HHIP: variants seen among roughly 807,000 people sequenced by gnomAD.
The protein encoded by HHIP is hedgehog interacting protein, also known as hedgehog-interacting protein.
Under a neutral mutation model 74.0 loss-of-function variants are expected in HHIP, and 12 were observed. The observed-to-expected ratio is 0.16, with a 90% confidence interval of 0.10 to 0.26. The LOEUF is 0.26. HHIP is among the 10% of genes least tolerant of loss of function. The pLI is 1.00. For synonymous variants in HHIP, 309 were observed against 311.6 expected (o/e 0.99, Z 0.09); for missense variants, 788 against 845.0 (o/e 0.93, Z 0.84).
Position 144,743,100 on chromosome 4 carries a change from T to G in HHIP, c.*5143T>G, listed in dbSNP as rs2126704033. 1 of 147,652 alleles carries G rather than the reference T, an allele frequency of 6.8e-6. No individual in the cohort carries two copies. Among genetic ancestry groups the G allele is most frequent in the East Asian group, 2.0e-4 (1 of 5,108 alleles). 9.1% of individuals were successfully genotyped at this position (147,652 alleles called of 1,614,324 possible). ...CTGCCAAACACTAATCCTAGCCAACTTCAATCCTTCTTTCTCTTAACTATC... is the reference window on the plus strand; with the variant it reads ...CTGCCAAACACTAATCCTAGCCAACGTCAATCCTTCTTTCTCTTAACTATC... On this transcript the variant is annotated 3_prime_UTR_variant, in exon 13 of 13. Transcript: ENST00000296575.
Position 144,742,884 on chromosome 4 carries a change from ATCT to A in HHIP, c.*4929_*4931del, listed in dbSNP as rs1731291314. ...CTTATATATATATCTTTTTATATAT[ATCT>A]TATATATATATCTTTTTATATATAT... On this transcript the variant is annotated 3_prime_UTR_variant, in exon 13 of 13. Transcript: ENST00000296575. The A allele has an allele frequency of 1.9e-4, 2 of 10,702 alleles. No individual in the cohort carries two copies. The highest frequency in any genetic ancestry group is 7.7e-4 in the Non-Finnish European group (2 of 2,602). The allele number at this position is 10,702 out of a possible 1,614,324, so 0.7% of individuals were successfully genotyped here. A position where few individuals can be genotyped will look rare whatever the true frequency, so the allele number is the denominator to read the frequency against.
chr4:144,712,111 G>C (rs1194408462), intron 8 of HHIP, 40 bp downstream of exon 8: 5 of 1,573,514 alleles, frequency 3.2e-6, no homozygotes, highest in Non-Finnish European at 4.3e-6. Flanking sequence ...TTTAGTTCAA[G>C]TTTTGTCTTA....
chr4:144,717,958 C>T (rs558752954), intron 10 of HHIP, among the ~76,000 whole-genome samples: 2 of 152,260 alleles, frequency 1.3e-5, no homozygotes, highest in East Asian at 1.9e-4. Flanking sequence ...TTTGTCCATT[C>T]AATATCCATT....
At chr4:144,703,246 G>A (rs1730041287) in intron 4 of HHIP, among the ~76,000 whole-genome samples, 2 of 150,782 alleles carry the variant, frequency 1.3e-5, no homozygotes, top group Admixed American at 1.3e-4. Context: ...TTAGAAATCA[G>A]TGTCTTTTTG....
At chr4:144,725,046 A>G (rs1191853632) in intron 11 of HHIP, among the ~76,000 whole-genome samples, 1 of 152,052 alleles carries the variant, frequency 6.6e-6, no homozygotes, top group East Asian at 1.9e-4. Context: ...GCCCACCACT[A>G]TCTCTTGTAG....
intron 11 of HHIP, among the ~76,000 whole-genome samples, chr4:144,733,761 T>C (rs11100866): frequency 0.55 from 83,926 of 152,000 alleles, 23,804 homozygotes; most frequent in South Asian, 0.76. Context: ...CAGCGACTGA[T>C]AGGAAAGTGC....
In HHIP at chr4:144,708,076, T is replaced by A; in HGVS notation, c.1158-92T>A. ...ATTTTATTTCAACTAAGGGGATGAT[T>A]TTTTCATCAATAGAGCAACCTCACC... On this transcript the variant is annotated intron_variant, in intron 6 of 12. Transcript: ENST00000296575. The A allele has an allele frequency of 2.9e-6, 4 of 1,358,864 alleles. No individual in the cohort carries two copies. The South Asian group carries it at 3.8e-5, about 13-fold the overall frequency. 84.2% of individuals were successfully genotyped at this position (1,358,864 alleles called of 1,614,324 possible).
At chr4:144,728,681 T>G (rs2126683105) in intron 11 of HHIP, among the ~76,000 whole-genome samples, 1 of 152,300 alleles carries the variant, frequency 6.6e-6, no homozygotes. Context: ...AAACATTTAA[T>G]TTCTTGCTGT....
chr4:144,648,903 A>T (rs535279341), intron 1 of HHIP: 1 of 152,186 alleles, frequency 6.6e-6, no homozygotes, highest in Non-Finnish European at 1.5e-5. Flanking sequence ...TGTGCTTCCA[A>T]TCTCCAACAA....
At chr4:144,718,603 G>T (rs1379365411) in intron 10 of HHIP, among the ~76,000 whole-genome samples, 2 of 152,170 alleles carry the variant, frequency 1.3e-5, no homozygotes, top group Admixed American at 6.6e-5. Flanking sequence ...TGGCAACAGG[G>T]AGCTCAGTTA....
intron 4 of HHIP, among the ~76,000 whole-genome samples, chr4:144,682,385 C>G (rs867096435): frequency 6.6e-6 from 1 of 152,220 alleles, no homozygotes; most frequent in Non-Finnish European, 1.5e-5. Flanking sequence ...CATGGCACCA[C>G]GTTTTGACAA....
At chr4:144,676,270 A>C (rs1021217694) in intron 4 of HHIP, among the ~76,000 whole-genome samples, 21 of 152,230 alleles carry the variant, frequency 1.4e-4, no homozygotes, top group African/African-American at 4.8e-4. Context: ...AGATAATAAT[A>C]GTAAAGCAAA....
At position 144,661,571 on chromosome 4, in the gene HHIP, C is replaced by G. The variant is rs1728714667; in HGVS notation, c.831+1733C>G. 4.6e-5 allele frequency among the ~76,000 whole-genome samples: 7 copies of G among 152,118 alleles called. No individual in the cohort carries two copies. In the South Asian group the frequency reaches 1.4e-3, roughly 32 times the overall value. ...AAGATCACATCCTTCTTACTTCAAG[C>G]AGGTCATGCTGCACATGGCCTTTAT... On this transcript the variant is annotated intron_variant, in intron 4 of 12. Coordinates refer to ENST00000296575, the MANE Select transcript of HHIP (RefSeq NM_022475.3).
At chr4:144,650,797 G>C (rs1301983625) in intron 1 of HHIP, 6 of 152,094 alleles carry the variant, frequency 3.9e-5, no homozygotes, top group Non-Finnish European at 8.8e-5. Context: ...TGTTTGATGA[G>C]AGATCTGTGA....
At chr4:144,735,639 C>T (rs1731093862) in intron 12 of HHIP, among the ~76,000 whole-genome samples, 1 of 151,976 alleles carries the variant, frequency 6.6e-6, no homozygotes, top group Admixed American at 6.6e-5. Flanking sequence ...TATACCATCA[C>T]TTAGAAATGA....
chr4:144,659,270 G>T (rs1413424565), intron 3 of HHIP, among the ~76,000 whole-genome samples: 2 of 152,078 alleles, frequency 1.3e-5, no homozygotes, highest in Non-Finnish European at 2.9e-5. Flanking sequence ...AGCAAATCAG[G>T]TTTTTCTAAA....
At chr4:144,688,781 G>A (rs554716405) in intron 4 of HHIP, among the ~76,000 whole-genome samples, 3 of 143,544 alleles carry the variant, frequency 2.1e-5, no homozygotes, top group East Asian at 3.9e-4. Flanking sequence ...TGCAAGAACG[G>A]AAGGGATGAG....
chr4:144,656,980 C>G (rs969578718), intron 2 of HHIP, among the ~76,000 whole-genome samples: 1 of 151,836 alleles, frequency 6.6e-6, no homozygotes, highest in East Asian at 1.9e-4. Flanking sequence ...CTGCTTGCCT[C>G]TTTTTCTCTG....
chr4:144,717,751 T>TTC (rs373121047), intron 10 of HHIP, among the ~76,000 whole-genome samples: 18 of 149,506 alleles, frequency 1.2e-4, no homozygotes, highest in African/African-American at 1.7e-4. Context: ...CTCTCTCTCT[T>TTC]TCTCTCTCTC....
Sources: allele counts gnomAD v4.1 joint callset (sites outside exome capture counted in the v4.1 genomes callset), GRCh38; gene constraint gnomAD v4.1.1; transcripts MANE v1.5; gene names NCBI Gene and HGNC (gene_info 2026-07-23, HGNC 2026-07-21).